Variants in YIPF1 observed in about 807,000 individuals in gnomAD.
The protein encoded by YIPF1 is protein YIPF1.
Under a neutral mutation model 37.0 loss-of-function variants are expected in YIPF1, and 22 were observed. That is an observed-to-expected ratio of 0.59 (90% CI 0.42 to 0.85). YIPF1 has a LOEUF of 0.85. Among genes scored for constraint, YIPF1 ranks in the 40% least tolerant of loss-of-function variants. YIPF1 has a pLI of 0.00. For synonymous variants in YIPF1, 128 were observed against 131.9 expected (o/e 0.97, Z 0.21); for missense variants, 355 against 373.1 (o/e 0.95, Z 0.40).
At chr1:53,885,853 A>G (rs778226490) in intron 3 of YIPF1, among the ~76,000 whole-genome samples, 6 of 151,170 alleles carry the variant, frequency 4.0e-5, no homozygotes, top group African/African-American at 7.3e-5. Context: ...GAAAAAGAGT[A>G]TAATTGGATT....
chr1:53,875,541 G>C (rs1303366784), intron 6 of YIPF1, among the ~76,000 whole-genome samples: 1 of 152,068 alleles, frequency 6.6e-6, no homozygotes, highest in Non-Finnish European at 1.5e-5. Flanking sequence ...TATGTTACTC[G>C]TCTGTCCAAA....
chr1:53,865,054 G>A (rs1265232911), intron 9 of YIPF1, among the ~76,000 whole-genome samples: 1 of 152,104 alleles, frequency 6.6e-6, no homozygotes, highest in Admixed American at 6.6e-5. Flanking sequence ...TCCCTAAAAA[G>A]ACACCTACAT....
chr1:53,866,144 G>C, intron 9 of YIPF1, 56 bp downstream of exon 9: 1 of 1,574,196 alleles, frequency 6.4e-7, no homozygotes, highest in Non-Finnish European at 8.6e-7. Flanking sequence ...ACAGTTTGAG[G>C]TCTTTTAGCA....
intron 4 of YIPF1, among the ~76,000 whole-genome samples, chr1:53,880,966 A>G (rs1361125140): frequency 1.3e-5 from 2 of 152,180 alleles, no homozygotes; most frequent in African/African-American, 4.8e-5. Flanking sequence ...ACCCTAGAAG[A>G]GAATCTAGGG....
At chr1:53,852,499 T>C (rs1414668815) in intron 10 of YIPF1, among the ~76,000 whole-genome samples, 1 of 152,176 alleles carries the variant, frequency 6.6e-6, no homozygotes, top group Non-Finnish European at 1.5e-5. Flanking sequence ...TTTCTTCTAT[T>C]TGCTTGGAAA....
At chr1:53,869,131 T>TTCTCTCTCTCTCTCTC (rs759374987) in intron 7 of YIPF1, among the ~76,000 whole-genome samples, 1 of 139,548 alleles carries the variant, frequency 7.2e-6, no homozygotes, top group African/African-American at 2.7e-5. Context: ...CATGGATACA[T>TTCTCTCTCTCTCTCTC]TCTCTCTCTC....
intron 9 of YIPF1, among the ~76,000 whole-genome samples, chr1:53,863,568 G>A (rs1262108526): frequency 2.0e-5 from 3 of 152,262 alleles, no homozygotes; most frequent in African/African-American, 4.8e-5. Flanking sequence ...GGTTTGCAGC[G>A]CTGAGCATCT....
At position 53,860,805 on chromosome 1, in the gene YIPF1, A is replaced by G. The variant is rs1371401130; in HGVS notation, c.832-652T>C. 1.4e-4 allele frequency among the ~76,000 whole-genome samples: 22 copies of G among 152,214 alleles called. 1 individual carries two copies. Among genetic ancestry groups the G allele is most frequent in the Admixed American group, 1.4e-3 (22 of 15,286 alleles). ...TGCTTCCACTCACCATCTACAATTT[A>G]ACGGTCAAAAGTCAGAAGGAGGTAA... On this transcript the variant is annotated intron_variant, in intron 9 of 10. Transcript: ENST00000072644.
At chr1:53,862,306 T>C (rs1347013029) in intron 9 of YIPF1, among the ~76,000 whole-genome samples, 1 of 152,190 alleles carries the variant, frequency 6.6e-6, no homozygotes, top group African/African-American at 2.4e-5. Flanking sequence ...TCTGTGCTCT[T>C]CTAATTCTCC....
chr1:53,853,285 G>T (rs960697470), intron 10 of YIPF1, among the ~76,000 whole-genome samples: 1 of 152,174 alleles, frequency 6.6e-6, no homozygotes, highest in Admixed American at 6.5e-5. Flanking sequence ...CCAGGCGAGG[G>T]TGTAATAAAG....
In YIPF1 at chr1:53,866,753, C is replaced by T. The variant is rs749113188; in HGVS notation, c.648+5G>A. The T allele has an allele frequency of 5.0e-6, 8 of 1,610,612 alleles. No individual in the cohort carries two copies. Among genetic ancestry groups the T allele is most frequent in the Non-Finnish European group, 1.7e-6 (2 of 1,178,270 alleles). ...CAGAATCTACTCCCTAAGTATGGTA[C>T]TTACTGCGGTGGGGATATAAATGAA... On this transcript the variant is annotated splice_donor_5th_base_variant and intron_variant, in intron 8 of 10. Coordinates refer to ENST00000072644, the MANE Select transcript of YIPF1 (RefSeq NM_018982.5).
chr1:53,876,826 A>C (rs1650348549), intron 6 of YIPF1, among the ~76,000 whole-genome samples: 1 of 152,200 alleles, frequency 6.6e-6, no homozygotes, highest in Non-Finnish European at 1.5e-5. Flanking sequence ...CTGGCACATA[A>C]TAAGCATTAT....
At position 53,868,021 on chromosome 1, in the gene YIPF1, C is replaced by T. The variant is rs17109488; in HGVS notation, c.482-1097G>A. On this transcript the variant is annotated intron_variant, in intron 7 of 10. Coordinates refer to ENST00000072644, the MANE Select transcript of YIPF1 (RefSeq NM_018982.5). ...TCTACATGAAAATCAGTAGGTAATT[C>T]ACTTAATGCATCTTGGCAAGAACAA... 7.0e-3 allele frequency among the ~76,000 whole-genome samples: 1,072 copies of T among 152,272 alleles called. 6 individuals carry two copies. The highest frequency in any genetic ancestry group is 0.011 in the Admixed American group (171 of 15,284).
At chr1:53,871,311 G>A (rs1181455313) in intron 7 of YIPF1, 61 bp downstream of exon 7, 1 of 1,494,912 alleles carries the variant, frequency 6.7e-7, no homozygotes, top group Non-Finnish European at 9.3e-7. Context: ...AGCTCAGTGG[G>A]TAAAAAGAAC....
At position 53,873,582 on chromosome 1, in the gene YIPF1, G is replaced by A. The variant is rs149070445; in HGVS notation, c.365-2094C>T. Among the ~76,000 whole-genome samples the A allele has an allele frequency of 6.0e-3, 919 of 152,212 alleles. 6 individuals are homozygous for A. The highest frequency in any genetic ancestry group is 0.021 in the African/African-American group (888 of 41,530). On this transcript the variant is annotated intron_variant, in intron 6 of 10. Coordinates refer to ENST00000072644, the MANE Select transcript of YIPF1 (RefSeq NM_018982.5). Reference sequence around the variant, plus strand: ...AGTCCCAGCTACTCAGGACACTGAGGTGAGAGGGTCACTTGAGGCTAGGAG... The same window carrying A: ...AGTCCCAGCTACTCAGGACACTGAGATGAGAGGGTCACTTGAGGCTAGGAG...
intron 7 of YIPF1, 21 bp downstream of exon 7, chr1:53,871,351 T>C (rs1650186694): frequency 6.2e-7 from 1 of 1,603,752 alleles, no homozygotes; most frequent in Non-Finnish European, 8.5e-7. Flanking sequence ...GCATTCCAAA[T>C]GAGTCAAGCT....
At chr1:53,855,923 G>A (rs1015325957) in intron 10 of YIPF1, among the ~76,000 whole-genome samples, 5 of 152,152 alleles carry the variant, frequency 3.3e-5, no homozygotes, top group Admixed American at 3.3e-4. Context: ...TGCTCTCCTG[G>A]GAATGCGCTC....
At chr1:53,865,199 C>T (rs888675284) in intron 9 of YIPF1, among the ~76,000 whole-genome samples, 3 of 152,118 alleles carry the variant, frequency 2.0e-5, no homozygotes, top group Non-Finnish European at 4.4e-5. Flanking sequence ...AAACTTTCTA[C>T]CTTTAAATAA....
chr1:53,880,462 G>A (rs6657508), intron 4 of YIPF1, among the ~76,000 whole-genome samples: 93,654 of 152,132 alleles, frequency 0.62, 29,461 homozygotes, highest in East Asian at 0.86. Flanking sequence ...GGAAGAATCA[G>A]TATTGTGCAA....
Sources: allele counts gnomAD v4.1 joint callset (sites outside exome capture counted in the v4.1 genomes callset), GRCh38; gene constraint gnomAD v4.1.1; transcripts MANE v1.5; gene names NCBI Gene and HGNC (gene_info 2026-07-23, HGNC 2026-07-21).